PLPBP: variants seen among roughly 807,000 people sequenced by gnomAD.
PLPBP encodes the protein pyridoxal phosphate homeostasis protein.
PLPBP carries 21 observed loss-of-function variants against 31.2 expected under a neutral mutation model. That is an observed-to-expected ratio of 0.67 (90% CI 0.48 to 0.97). The LOEUF is 0.97. Ranked by LOEUF, PLPBP falls within the 50% of genes least tolerant of loss-of-function variation. PLPBP has a pLI of 0.00. For missense variants in PLPBP, 308 were observed against 354.4 expected, an observed-to-expected ratio of 0.87 and a Z score of 1.05; for synonymous variants, 124 against 135.6, an observed-to-expected ratio of 0.91 and a Z score of 0.59.
chr8:37,777,802 A>G (rs558071179), intron 7 of PLPBP, among the ~76,000 whole-genome samples, 171 bp from the exon 8 acceptor site: 2 of 152,080 alleles, frequency 1.3e-5, no homozygotes, highest in East Asian at 3.9e-4. Context: ...CAAACCCCTG[A>G]TCTCGTGATC....
intron 4 of PLPBP, 186 bp downstream of exon 4, chr8:37,766,541 C>T: frequency 8.1e-7 from 1 of 1,233,694 alleles, no homozygotes; most frequent in African/African-American, 1.6e-5. Flanking sequence ...ATGAATTCAC[C>T]ATTTTCTGGG....
At chr8:37,762,630 G>C (rs749331307), upstream of PLPBP, 1 of 1,552,042 alleles carries the variant, frequency 6.4e-7, no homozygotes, top group Non-Finnish European at 8.7e-7. Flanking sequence ...GGCTGCCGGG[G>C]GCCTGGGGCT....
upstream of PLPBP, chr8:37,762,608 G>C: frequency 6.5e-7 from 1 of 1,536,374 alleles, no homozygotes; most frequent in Non-Finnish European, 8.7e-7. Context: ...CCGGAAGATG[G>C]TGTGAGCCAC....
intron 1 of PLPBP, among the ~76,000 whole-genome samples, chr8:37,764,397 C>T (rs1803569241): frequency 6.6e-6 from 1 of 152,248 alleles, no homozygotes. Flanking sequence ...CCTCAGCTCA[C>T]TGCAACCTCC....
intron 3 of PLPBP, 38 bp from the exon 4 acceptor site, chr8:37,766,242 A>C (rs1803624855): frequency 1.3e-6 from 2 of 1,542,234 alleles, no homozygotes; most frequent in Non-Finnish European, 1.8e-6. Flanking sequence ...AGGCCTCTAT[A>C]AAATCTGAAT....
rs1476643322 is a variant in PLPBP at position 37,763,570 on chromosome 8, AG to A, written c.99+813del. Among the ~76,000 whole-genome samples, 8 of 152,136 alleles carry A rather than the reference AG, an allele frequency of 5.3e-5. 1 individual carries two copies. The East Asian group carries it at 1.5e-3, about 29-fold the overall frequency. On this transcript the variant is annotated intron_variant, in intron 1 of 7. Coordinates refer to ENST00000328195, the MANE Select transcript of PLPBP (RefSeq NM_007198.4). Reference sequence around the variant, plus strand: ...CCGGCCCTCAGCTCTGAAAGCTCTGAGATCTCTTCTGATGTTAATATTCTGT... The same window carrying A: ...CCGGCCCTCAGCTCTGAAAGCTCTGAATCTCTTCTGATGTTAATATTCTGT...
chr8:37,775,487 G>T lies in PLPBP; in HGVS notation c.597+6G>T. 6.2e-7 allele frequency: 1 copy of T among 1,613,406 alleles called. No homozygotes were observed. Among genetic ancestry groups the T allele is most frequent in the Non-Finnish European group, 8.5e-7 (1 of 1,179,886 alleles). On this transcript the variant is annotated splice_donor_region_variant and intron_variant, in intron 6 of 7. Coordinates refer to ENST00000328195, the MANE Select transcript of PLPBP (RefSeq NM_007198.4). Reference sequence around the variant, plus strand: ...GACCAAATCCAGACTTCCAGGTACTGGGGGGTCGGGGAGATTGCTCGTGTG... The same window carrying T: ...GACCAAATCCAGACTTCCAGGTACTTGGGGGTCGGGGAGATTGCTCGTGTG...
chr8:37,774,168 G>C (rs1585938855), intron 5 of PLPBP, among the ~76,000 whole-genome samples: 1 of 151,968 alleles, frequency 6.6e-6, no homozygotes, highest in African/African-American at 2.4e-5. Context: ...CCGAGATCGC[G>C]CCACTGCACT....
Position 37,762,678 on chromosome 8 carries a change from A to C in PLPBP, c.19A>C (p.Met7Leu), listed in dbSNP as rs764612461. 5.7e-6 allele frequency: 9 copies of C among 1,587,478 alleles called. No individual in the cohort carries two copies. Among genetic ancestry groups the C allele is most frequent in the Non-Finnish European group, 6.8e-6 (8 of 1,170,690 alleles). Residue 7 changes from methionine to leucine, a missense_variant, in exon 1 of 8, where the codon ATG becomes CTG. Physicochemically the swap from Met to Leu is conservative, Grantham distance 15 (BLOSUM62 2). Transcript: ENST00000328195. ...CCGGGGGATGTGGAGAGCTGGCAGCATGTCGGCCGAGCTGGGAGTCGGGTG... is the reference window on the plus strand; with the variant it reads ...CCGGGGGATGTGGAGAGCTGGCAGCCTGTCGGCCGAGCTGGGAGTCGGGTG... The part of the protein sequence containing the change: MWRAGS[M>L]SAELGVGCAL...
At chr8:37,768,629 C>A (rs903782171) in intron 4 of PLPBP, among the ~76,000 whole-genome samples, 1 of 151,944 alleles carries the variant, frequency 6.6e-6, no homozygotes, top group African/African-American at 2.4e-5. Flanking sequence ...CCCACCACCA[C>A]GCCCAGCTAA....
intron 7 of PLPBP, among the ~76,000 whole-genome samples, chr8:37,777,581 T>C (rs1803945759): frequency 6.6e-6 from 1 of 152,006 alleles, no homozygotes; most frequent in Non-Finnish European, 1.5e-5. Context: ...TGTTTTTTTT[T>C]GTTTTTTTTG....
intron 7 of PLPBP, among the ~76,000 whole-genome samples, chr8:37,777,434 A>T (rs1056511065): frequency 2.0e-5 from 3 of 151,984 alleles, no homozygotes; most frequent in Non-Finnish European, 2.9e-5. Flanking sequence ...TGCCAGCCAC[A>T]CTCTCCAACC....
intron 1 of PLPBP, 118 bp from the exon 2 acceptor site, chr8:37,765,408 A>T: frequency 3.3e-6 from 3 of 921,296 alleles, no homozygotes; most frequent in South Asian, 1.5e-5. Flanking sequence ...GAAAAAATGG[A>T]TCTTACCTAA....
At chr8:37,766,141 C>T (rs189157869) in intron 3 of PLPBP, 139 bp from the exon 4 acceptor site, 58 of 678,062 alleles carry the variant, frequency 8.6e-5, no homozygotes, top group Non-Finnish European at 1.3e-4. Flanking sequence ...CATTAGGAGG[C>T]CGGGTGAAGA....
intron 4 of PLPBP, among the ~76,000 whole-genome samples, chr8:37,770,913 C>T (rs569404591): frequency 2.0e-5 from 3 of 152,050 alleles, no homozygotes; most frequent in African/African-American, 4.8e-5. Flanking sequence ...GAGGAGGGAG[C>T]GGGGAAGGAG....
At chr8:37,763,537 T>C (rs1803540824) in intron 1 of PLPBP, among the ~76,000 whole-genome samples, 1 of 152,192 alleles carries the variant, frequency 6.6e-6, no homozygotes, top group Admixed American at 6.5e-5. Flanking sequence ...ACAAGTCAGG[T>C]AACTATTCCG....
At chr8:37,764,349 TCTCA>T (rs1803567466) in intron 1 of PLPBP, among the ~76,000 whole-genome samples, 1 of 151,518 alleles carries the variant, frequency 6.6e-6, no homozygotes, top group African/African-American at 2.4e-5. Context: ...TGAGACGGAG[TCTCA>T]CTCTGTCACC....
rs1057519424 is a variant in PLPBP, at chr8:37,772,753, A to G, written c.320-2A>G. 13 of 1,614,076 alleles carry G rather than the reference A, an allele frequency of 8.1e-6. No individual in the cohort carries two copies. Among genetic ancestry groups the G allele is most frequent in the Non-Finnish European group, 1.1e-5 (13 of 1,180,022 alleles). On this transcript the variant is annotated splice_acceptor_variant, in intron 4 of 7. Transcript: ENST00000328195. LOFTEE classifies it high-confidence loss of function. ...TACTACTTTGCCTCTGTCTCATTAC[A>G]GCTGTCCCCAATCTCTTCATGCTGG...
intron 1 of PLPBP, among the ~76,000 whole-genome samples, chr8:37,765,178 C>CA (rs962803983): frequency 2.0e-5 from 3 of 150,754 alleles, no homozygotes; most frequent in South Asian, 4.2e-4. Context: ...AACTCTGTCT[C>CA]AAAAAAAAAG....
Sources: allele counts gnomAD v4.1 joint callset (sites outside exome capture counted in the v4.1 genomes callset), GRCh38; gene constraint gnomAD v4.1.1; transcripts MANE v1.5; gene names NCBI Gene and HGNC (gene_info 2026-07-23, HGNC 2026-07-21).